PTPRO: variants seen among roughly 807,000 people sequenced by gnomAD.
The protein encoded by PTPRO is receptor-type tyrosine-protein phosphatase O.
In PTPRO, 62 loss-of-function variants were observed where a neutral mutation model predicts 145.2. The observed-to-expected ratio is 0.43, with a 90% CI of 0.35 to 0.53. The LOEUF is 0.53. Ranked by LOEUF, PTPRO falls within the 20% of genes least tolerant of loss-of-function variation. The probability of loss-of-function intolerance (pLI) is 0.01; values close to 1 mark genes in which losing one functional copy is unlikely to be tolerated. For missense variants in PTPRO, 1,345 were observed against 1,482.7 expected, an observed-to-expected ratio of 0.91 and a Z score of 1.53; for synonymous variants, 565 against 514.7, an observed-to-expected ratio of 1.10 and a Z score of -1.32.
At chr12:15,482,684 A>G (rs76021503) in intron 1 of PTPRO, among the ~76,000 whole-genome samples, 2,486 of 152,232 alleles carry the variant, frequency 0.016, 89 homozygotes, top group African/African-American at 0.057. Flanking sequence ...GAATAATAAA[A>G]CCAAAATCAA....
At chr12:15,474,972 C>A (rs1390657484) in intron 1 of PTPRO, among the ~76,000 whole-genome samples, 1 of 152,208 alleles carries the variant, frequency 6.6e-6, no homozygotes, top group African/African-American at 2.4e-5. Flanking sequence ...GATTAGCCCA[C>A]TCTGATTTAT....
At chr12:15,513,191 A>AAG (rs1323783108) in intron 7 of PTPRO, among the ~76,000 whole-genome samples, 2 of 119,898 alleles carry the variant, frequency 1.7e-5, no homozygotes, top group African/African-American at 3.7e-5. Flanking sequence ...GAAAGAAAGA[A>AAG]AGAAAGAAAG....
At chr12:15,433,917 T>C (rs1940523693) in intron 1 of PTPRO, among the ~76,000 whole-genome samples, 1 of 152,206 alleles carries the variant, frequency 6.6e-6, no homozygotes, top group Non-Finnish European at 1.5e-5. Flanking sequence ...GTTAGCAGCT[T>C]GTTTTTGTTT....
chr12:15,595,722 G>A (rs1313339116), intron 26 of PTPRO: 1 of 154,088 alleles, frequency 6.5e-6, no homozygotes, highest in Non-Finnish European at 1.4e-5. Flanking sequence ...TATACTGGGG[G>A]AAGAGGAGCC....
chr12:15,570,324 T>G lies in PTPRO; in HGVS notation c.2829+826T>G, dbSNP rs548349837. Among the ~76,000 whole-genome samples the G allele has an allele frequency of 4.0e-5, 6 of 150,422 alleles. No homozygotes were observed. In the East Asian group the frequency reaches 7.8e-4, roughly 20 times the overall value. On this transcript the variant is annotated intron_variant, in intron 19 of 26. Transcript: ENST00000281171. Reference sequence around the variant, plus strand: ...AAGTGATTTTTCTAAATTCTGTAGTTTTTTTTTTTTATAAAGCCTTTTAAG... The same window carrying G: ...AAGTGATTTTTCTAAATTCTGTAGTGTTTTTTTTTTATAAAGCCTTTTAAG...
chr12:15,423,817 C>T (rs1046515018), intron 1 of PTPRO, among the ~76,000 whole-genome samples: 3 of 152,160 alleles, frequency 2.0e-5, no homozygotes, highest in African/African-American at 7.2e-5. Flanking sequence ...AATTACTTCC[C>T]TACTCCACTT....
At chr12:15,395,872 G>C (rs949169793) in intron 1 of PTPRO, among the ~76,000 whole-genome samples, 2 of 151,874 alleles carry the variant, frequency 1.3e-5, no homozygotes, top group African/African-American at 2.4e-5. Flanking sequence ...TGCAAAATGG[G>C]ATATTCTGGT....
intron 1 of PTPRO, among the ~76,000 whole-genome samples, chr12:15,481,480 ACATAGTCC>A (rs1941777862): frequency 6.6e-6 from 1 of 152,236 alleles, no homozygotes; most frequent in Non-Finnish European, 1.5e-5. Context: ...TTATTACATG[ACATAGTCC>A]AATAAAGGGA....
intron 1 of PTPRO, among the ~76,000 whole-genome samples, chr12:15,365,926 G>C (rs1399529429): frequency 6.6e-6 from 1 of 152,154 alleles, no homozygotes; most frequent in Non-Finnish European, 1.5e-5. Context: ...TTAGAGATTG[G>C]AGCAATCATT....
At chr12:15,439,563 G>C in intron 1 of PTPRO, 3 of 265,494 alleles carry the variant, frequency 1.1e-5, no homozygotes, top group South Asian at 8.1e-5. Context: ...GGGGCCCGGA[G>C]GACTCGGGGG....
At chr12:15,454,798 A>T (rs1169964582) in intron 1 of PTPRO, among the ~76,000 whole-genome samples, 3 of 152,112 alleles carry the variant, frequency 2.0e-5, no homozygotes, top group Non-Finnish European at 4.4e-5. Flanking sequence ...TTTTGCATGC[A>T]GATGCCCAGT....
In PTPRO at chr12:15,441,262, A is replaced by G. The variant is rs562379801; in HGVS notation, c.76-42712A>G. ...ATTTGATCCTGAATGACTTTTGGGTAAACAATGAAATCAAGGCAGAAATTT... is the reference window on the plus strand; with the variant it reads ...ATTTGATCCTGAATGACTTTTGGGTGAACAATGAAATCAAGGCAGAAATTT... On this transcript the variant is annotated intron_variant, in intron 1 of 26. Coordinates refer to ENST00000281171, the MANE Select transcript of PTPRO (RefSeq NM_030667.3). 2.1e-5 allele frequency among the ~76,000 whole-genome samples: 3 copies of G among 144,058 alleles called. No homozygotes were observed. The South Asian group carries it at 6.2e-4, about 30-fold the overall frequency. The allele number at this position is 144,058 out of a possible 152,430, so 94.5% of individuals were successfully genotyped here. A position where few individuals can be genotyped will look rare whatever the true frequency, so the allele number is the denominator to read the frequency against.
intron 19 of PTPRO, among the ~76,000 whole-genome samples, chr12:15,569,860 C>A (rs973531607): frequency 3.3e-5 from 5 of 152,200 alleles, no homozygotes; most frequent in Non-Finnish European, 1.5e-5. Context: ...TGTAGTGTTT[C>A]TCATGCTTCT....
Position 15,524,198 on chromosome 12 carries a change from C to G in PTPRO, c.1892-616C>G, listed in dbSNP as rs1425429995. Among the ~76,000 whole-genome samples the G allele has an allele frequency of 2.7e-5, 4 of 146,142 alleles. No homozygotes were observed. The South Asian group carries it at 8.8e-4, about 32-fold the overall frequency. ...AAAAACTTGTTCTTCCCTTCTTTCT[C>G]TCTCTCACTACTCACTCAGCAACAT... On this transcript the variant is annotated intron_variant, in intron 10 of 26. Transcript: ENST00000281171.
At chr12:15,399,010 C>A (rs1031075831) in intron 1 of PTPRO, among the ~76,000 whole-genome samples, 7 of 152,168 alleles carry the variant, frequency 4.6e-5, no homozygotes, top group African/African-American at 1.7e-4. Flanking sequence ...GCTGAATGAA[C>A]ACCTATCAAG....
chr12:15,449,062 A>G (rs1176912087), intron 1 of PTPRO, among the ~76,000 whole-genome samples: 2 of 152,044 alleles, frequency 1.3e-5, no homozygotes, highest in Non-Finnish European at 2.9e-5. Context: ...GGCATCCCCC[A>G]GAATCACAGC....
intron 1 of PTPRO, among the ~76,000 whole-genome samples, chr12:15,430,869 A>G (rs1408637155): frequency 6.6e-6 from 1 of 152,216 alleles, no homozygotes; most frequent in Non-Finnish European, 1.5e-5. Context: ...AAATGAATGA[A>G]TGAATGAATT....
rs148918995 is a variant in PTPRO, at chr12:15,529,848, C to T, written c.2164+3586C>T. ...AACAATCTGAAAACAGGCAACAAAA[C>T]GGCAGTAGTAAATCCGTACTTAGCA... is the stretch of plus-strand genomic sequence containing the variant. On this transcript the variant is annotated intron_variant, in intron 12 of 26. Coordinates refer to ENST00000281171, the MANE Select transcript of PTPRO (RefSeq NM_030667.3). Among the ~76,000 whole-genome samples, 546 of 152,206 alleles carry T rather than the reference C, an allele frequency of 3.6e-3. 2 individuals carry two copies. Among genetic ancestry groups the T allele is most frequent in the African/African-American group, 0.012 (512 of 41,518 alleles).
chr12:15,407,611 A>G (rs1458269251), intron 1 of PTPRO, among the ~76,000 whole-genome samples: 3 of 152,222 alleles, frequency 2.0e-5, no homozygotes, highest in African/African-American at 4.8e-5. Flanking sequence ...TATGTACTAT[A>G]TAACCCACAA....
Sources: gnomAD v4.1 joint callset for allele counts (sites outside exome capture counted in the v4.1 genomes callset) on GRCh38, gnomAD v4.1.1 for gene constraint, MANE v1.5 for transcripts, NCBI Gene and HGNC (gene_info 2026-07-23, HGNC 2026-07-21) for gene names.